POLR1A: variants seen among roughly 807,000 people sequenced by gnomAD.
POLR1A encodes DNA-directed RNA polymerase I subunit RPA1.
Under a neutral mutation model 205.3 loss-of-function variants are expected in POLR1A, and 84 were observed. That is an observed-to-expected ratio of 0.41 (90% CI 0.34 to 0.49). The LOEUF (loss-of-function observed/expected upper bound fraction) is 0.49. Among genes scored for constraint, POLR1A ranks in the 20% least tolerant of loss-of-function variants. POLR1A has a pLI of 0.22. For synonymous variants in POLR1A, 799 were observed against 863.7 expected (o/e 0.93, Z 1.31); for missense variants, 1,645 against 2,204.5 (o/e 0.75, Z 5.08).
chr2:86,066,591 T>C (rs2104409734), intron 13 of POLR1A, among the ~76,000 whole-genome samples: 1 of 152,338 alleles, frequency 6.6e-6, no homozygotes, highest in Admixed American at 6.5e-5. Context: ...TATTAATCAT[T>C]TGATTATTTG....
At chr2:86,055,023 G>A (rs949546686) in intron 14 of POLR1A, among the ~76,000 whole-genome samples, 3 of 152,208 alleles carry the variant, frequency 2.0e-5, no homozygotes, top group Non-Finnish European at 4.4e-5. Context: ...CAACGAGGGC[G>A]CGGTGGCTCA....
At chr2:86,048,692 CT>C (rs1387005054) in intron 18 of POLR1A, among the ~76,000 whole-genome samples, 191 bp downstream of exon 18, 1 of 152,238 alleles carries the variant, frequency 6.6e-6, no homozygotes, top group African/African-American at 2.4e-5. Context: ...TGTATAGACC[CT>C]AACTGGGGCA....
At chr2:86,081,967 G>A (rs1008749644) in intron 7 of POLR1A, among the ~76,000 whole-genome samples, 2 of 152,058 alleles carry the variant, frequency 1.3e-5, no homozygotes, top group African/African-American at 4.8e-5. Context: ...AAGTAGTTGG[G>A]ACTACAGGTG....
At chr2:86,086,592 C>T (rs1286864511) in intron 6 of POLR1A, among the ~76,000 whole-genome samples, 1 of 152,036 alleles carries the variant, frequency 6.6e-6, no homozygotes, top group Non-Finnish European at 1.5e-5. Context: ...TGCTGAGCAC[C>T]CAACAAATAA....
intron 13 of POLR1A, among the ~76,000 whole-genome samples, chr2:86,067,009 T>C (rs763453665): frequency 1.3e-5 from 2 of 152,222 alleles, no homozygotes; most frequent in Admixed American, 6.5e-5. Context: ...CTTTTGTTTT[T>C]TTCCTTAAAG....
In POLR1A at chr2:86,081,710, C is replaced by T. The variant is rs777720722; in HGVS notation, c.818-4G>A. 2.5e-6 allele frequency: 4 copies of T among 1,573,952 alleles called. No homozygotes were observed. Among genetic ancestry groups the T allele is most frequent in the South Asian group, 2.2e-5 (2 of 89,766 alleles). On this transcript the variant is annotated splice_region_variant and splice_polypyrimidine_tract_variant and intron_variant, in intron 7 of 33. Coordinates refer to ENST00000263857, the MANE Select transcript of POLR1A (RefSeq NM_015425.6). ...AAAAGGTAGTTCAGAAAGAATCCTG[C>T]GTTGGAAAGAAATAAACCAAGAAGA...
At chr2:86,084,005 G>C (rs1361313463) in intron 6 of POLR1A, among the ~76,000 whole-genome samples, 1 of 152,086 alleles carries the variant, frequency 6.6e-6, no homozygotes, top group Non-Finnish European at 1.5e-5. Flanking sequence ...GTGTCTTTCA[G>C]GTTCAAAACT....
At chr2:86,093,003 T>C (rs928856704) in intron 3 of POLR1A, among the ~76,000 whole-genome samples, 2 of 152,178 alleles carry the variant, frequency 1.3e-5, no homozygotes, top group African/African-American at 2.4e-5. Context: ...AAAGGTAATA[T>C]ATCATAAACA....
chr2:86,029,848 C>T lies in POLR1A; in HGVS notation c.4779+348G>A, dbSNP rs901949314. On this transcript the variant is annotated intron_variant, in intron 31 of 33. Coordinates refer to ENST00000263857, the MANE Select transcript of POLR1A (RefSeq NM_015425.6). ...ATCTCCTGACCTCGTGATCCGCCTG[C>T]CTTGGCCTCCCAAAGTGCTGGGATT... is the stretch of plus-strand genomic sequence containing the variant. 2.6e-5 allele frequency among the ~76,000 whole-genome samples: 4 copies of T among 152,198 alleles called. No homozygotes were observed. In the East Asian group the frequency reaches 7.7e-4, roughly 29 times the overall value.
At chr2:86,083,795 A>C (rs1313683229) in intron 6 of POLR1A, among the ~76,000 whole-genome samples, 1 of 152,194 alleles carries the variant, frequency 6.6e-6, no homozygotes, top group African/African-American at 2.4e-5. Flanking sequence ...TTATAGGTAA[A>C]TATATACTGA....
At chr2:86,104,483 C>T (rs1270969564) in intron 1 of POLR1A, among the ~76,000 whole-genome samples, 1 of 138,214 alleles carries the variant, frequency 7.2e-6, no homozygotes, top group South Asian at 2.3e-4. Context: ...GAGTATTGCT[C>T]TGTCGCCAGG....
chr2:86,061,056 C>T (rs1672984260), intron 14 of POLR1A, among the ~76,000 whole-genome samples: 1 of 152,142 alleles, frequency 6.6e-6, no homozygotes, highest in Non-Finnish European at 1.5e-5. Context: ...AGGTGCTCAA[C>T]CTCTCTTGTC....
intron 27 of POLR1A, among the ~76,000 whole-genome samples, chr2:86,037,693 C>T: frequency 6.6e-6 from 1 of 152,270 alleles, no homozygotes; most frequent in Non-Finnish European, 1.5e-5. Context: ...TGAGAACCAT[C>T]TGGGCCTTAC....
chr2:86,075,323 A>C, intron 11 of POLR1A, 63 bp from the exon 12 acceptor site: 1 of 1,180,934 alleles, frequency 8.5e-7, no homozygotes, highest in Non-Finnish European at 1.2e-6. Flanking sequence ...GATGGACCCC[A>C]AATCTGTCTC....
rs141600019 is a variant in POLR1A, at chr2:86,041,390, C to CTGTG, written c.3572+495_3572+498dup. The stretch of plus-strand genomic sequence containing the variant: ...GCGCGCGCGCGCTGAGCTACAGTGT[C>CTGTG]TGTGTGTGTGTGTGTGTGTGTGTCT... On this transcript the variant is annotated intron_variant, in intron 24 of 33. Transcript: ENST00000263857. Among the ~76,000 whole-genome samples the CTGTG allele has an allele frequency of 2.4e-3, 301 of 124,714 alleles. 3 individuals carry two copies. The highest frequency in any genetic ancestry group is 8.3e-3 in the African/African-American group (273 of 32,994). 81.8% of individuals were successfully genotyped at this position (124,714 alleles called of 152,430 possible).
chr2:86,039,999 T>C lies in POLR1A; in HGVS notation c.3740+393A>G, dbSNP rs527653671. The C allele has an allele frequency of 1.2e-3, 231 of 193,370 alleles. 2 individuals are homozygous for C. Among genetic ancestry groups the C allele is most frequent in the African/African-American group, 5.2e-3 (223 of 43,026 alleles). The allele number at this position is 193,370 out of a possible 1,614,324, so 12.0% of individuals were successfully genotyped here. On this transcript the variant is annotated intron_variant, in intron 25 of 33. Coordinates refer to ENST00000263857, the MANE Select transcript of POLR1A (RefSeq NM_015425.6). ...CCCTTGTCCAGCACATATATTTACC[T>C]GAAGGGCCAGGGCCCAGGGCCACGT...
At chr2:86,090,316 A>T (rs1673578524) in intron 3 of POLR1A, among the ~76,000 whole-genome samples, 1 of 141,592 alleles carries the variant, frequency 7.1e-6, no homozygotes, top group Non-Finnish European at 1.5e-5. Flanking sequence ...GATCGCTGGG[A>T]GGGGAATGTT....
chr2:86,056,774 C>T (rs1438258229), intron 14 of POLR1A, among the ~76,000 whole-genome samples: 1 of 152,156 alleles, frequency 6.6e-6, no homozygotes, highest in African/African-American at 2.4e-5. Context: ...TGGAACAAAG[C>T]GTGGGTGACT....
At position 86,075,041 on chromosome 2, in the gene POLR1A, C is replaced by T. The variant is rs1380974491; in HGVS notation, c.1600G>A (p.Gly534Arg). The T allele has an allele frequency of 6.2e-6, 10 of 1,608,200 alleles. No individual in the cohort carries two copies. Among genetic ancestry groups the T allele is most frequent in the Non-Finnish European group, 8.5e-6 (10 of 1,178,038 alleles). Reference protein sequence around the residue: ...TPATGAPKPQGTKIVCRHVKN... With the variant: ...TPATGAPKPQRTKIVCRHVKN... ...CTGCCCTTACTCACAATTTTTGTCC[C>T]CTGGGGCTTAGGTGCCCCCGTGGCT... Residue 534 changes from glycine (G) to arginine (R), a missense_variant, in exon 12 of 34, where the codon GGG becomes AGG. Physicochemically the swap from Gly to Arg is moderately radical, Grantham distance 125. Transcript: ENST00000263857.
Sources: allele counts gnomAD v4.1 joint callset (sites outside exome capture counted in the v4.1 genomes callset), GRCh38; gene constraint gnomAD v4.1.1; transcripts MANE v1.5; gene names NCBI Gene and HGNC (gene_info 2026-07-23, HGNC 2026-07-21).